THSD7B: variants seen among roughly 807,000 people sequenced by gnomAD.
The protein encoded by THSD7B is thrombospondin type-1 domain-containing protein 7B.
Under a neutral mutation model 213.6 loss-of-function variants are expected in THSD7B, and 138 were observed. The observed-to-expected ratio is 0.65, with a 90% CI of 0.56 to 0.74. The LOEUF (loss-of-function observed/expected upper bound fraction) is 0.74, where lower values mean the gene tolerates loss of function less well. Ranked by LOEUF, THSD7B falls within the 30% of genes least tolerant of loss-of-function variation. The probability of loss-of-function intolerance (pLI) is 0.00; values close to 1 mark genes in which losing one functional copy is unlikely to be tolerated. For missense variants in THSD7B, 1,931 were observed against 1,991.5 expected (o/e 0.97, Z 0.58); for synonymous variants, 742 against 687.0 (o/e 1.08, Z -1.25).
intron 6 of THSD7B, among the ~76,000 whole-genome samples, chr2:137,161,449 G>A (rs1680017700): frequency 6.6e-6 from 1 of 152,112 alleles, no homozygotes; most frequent in South Asian, 2.1e-4. Flanking sequence ...ACTGCTTACT[G>A]CTACATTCAC....
At chr2:137,154,171 TG>T in intron 5 of THSD7B, among the ~76,000 whole-genome samples, 1 of 152,124 alleles carries the variant, frequency 6.6e-6, no homozygotes. Context: ...ATTTAGGTTT[TG>T]GGGGTTCTTA....
intron 5 of THSD7B, 69 bp from the exon 6 acceptor site, chr2:137,160,144 A>G (rs569923513): frequency 6.7e-7 from 1 of 1,494,824 alleles, no homozygotes; most frequent in Non-Finnish European, 9.0e-7. Flanking sequence ...AGGCATGCAA[A>G]TAAAGGCAGA....
chr2:136,838,134 C>G (rs1001462486), intron 1 of THSD7B, among the ~76,000 whole-genome samples: 1 of 152,020 alleles, frequency 6.6e-6, no homozygotes, highest in African/African-American at 2.4e-5. Context: ...TGCCTTTGAT[C>G]CTAAAGAGTT....
intron 9 of THSD7B, 112 bp from the exon 10 acceptor site, chr2:137,242,345 C>A: frequency 2.7e-6 from 2 of 747,296 alleles, no homozygotes; most frequent in South Asian, 1.8e-5. Context: ...CTTCCCTCAC[C>A]TATTAAGGGA....
intron 27 of THSD7B, among the ~76,000 whole-genome samples, chr2:137,673,670 T>A (rs1195880736): frequency 2.0e-5 from 3 of 151,628 alleles, no homozygotes; most frequent in Admixed American, 2.0e-4. Context: ...TTGGCCTTGC[T>A]GAGTGCAGTC....
At chr2:136,828,202 C>A (rs979570074) in intron 1 of THSD7B, among the ~76,000 whole-genome samples, 4 of 152,156 alleles carry the variant, frequency 2.6e-5, no homozygotes, top group Admixed American at 1.3e-4. Context: ...CCCATCTTAA[C>A]CTCTCTAGAG....
chr2:137,331,200 G>A (rs1457731095), intron 12 of THSD7B, among the ~76,000 whole-genome samples: 1 of 150,152 alleles, frequency 6.7e-6, no homozygotes, highest in Admixed American at 6.6e-5. Context: ...GCTGATTGGT[G>A]TATTTACAAT....
At position 136,775,922 on chromosome 2, in the gene THSD7B, A is replaced by G. The variant is rs116735074; in HGVS notation, c.-36+10235A>G. On this transcript the variant is annotated intron_variant, in intron 1 of 27. Coordinates refer to ENST00000409968, the MANE Select transcript of THSD7B (RefSeq NM_001316349.2). ...AATTTCCAGGCAAGGAGTTTATTATACTTTGACAGATTAACATAATTCTTC... is the reference window on the plus strand; with the variant it reads ...AATTTCCAGGCAAGGAGTTTATTATGCTTTGACAGATTAACATAATTCTTC... 2.8e-3 allele frequency among the ~76,000 whole-genome samples: 419 copies of G among 152,222 alleles called. 2 individuals carry two copies. The highest frequency in any genetic ancestry group is 9.3e-3 in the African/African-American group (387 of 41,542).
chr2:137,349,261 A>G (rs1026063074), intron 12 of THSD7B, among the ~76,000 whole-genome samples: 3 of 151,710 alleles, frequency 2.0e-5, no homozygotes, highest in African/African-American at 7.3e-5. Context: ...TGGAAACATT[A>G]TTTTGTGATT....
At chr2:136,903,833 G>C (rs1351229536) in intron 2 of THSD7B, among the ~76,000 whole-genome samples, 1 of 152,036 alleles carries the variant, frequency 6.6e-6, no homozygotes, top group African/African-American at 2.4e-5. Context: ...CAGTGGCCAG[G>C]GCCACCACCT....
At chr2:137,650,588 A>G (rs981233978) in intron 21 of THSD7B, among the ~76,000 whole-genome samples, 1 of 152,154 alleles carries the variant, frequency 6.6e-6, no homozygotes, top group African/African-American at 2.4e-5. Context: ...TCTCTTGACT[A>G]ACTGCTATGG....
chr2:137,582,198 T>A (rs1048994268), intron 17 of THSD7B, among the ~76,000 whole-genome samples: 2 of 152,148 alleles, frequency 1.3e-5, no homozygotes, highest in Admixed American at 6.5e-5. Flanking sequence ...TGGTTCAAGA[T>A]GTTTCTCTCT....
At chr2:137,297,569 G>A (rs370175474) in intron 12 of THSD7B, among the ~76,000 whole-genome samples, 18 of 151,898 alleles carry the variant, frequency 1.2e-4, no homozygotes, top group Non-Finnish European at 2.4e-4. Context: ...ATGACTCACC[G>A]AATGTCCTTG....
intron 15 of THSD7B, among the ~76,000 whole-genome samples, chr2:137,561,448 A>G (rs534876145): frequency 3.3e-4 from 50 of 152,336 alleles, no homozygotes; most frequent in African/African-American, 1.2e-3. Context: ...TTACTTTTCA[A>G]ATTAAGTTTT....
chr2:137,644,635 A>G (rs1682996873), intron 21 of THSD7B, among the ~76,000 whole-genome samples: 1 of 152,150 alleles, frequency 6.6e-6, no homozygotes, highest in African/African-American at 2.4e-5. Flanking sequence ...AATTTACTAT[A>G]CTTAAATTTA....
intron 1 of THSD7B, among the ~76,000 whole-genome samples, chr2:136,827,371 A>G (rs1407964394): frequency 1.3e-5 from 2 of 152,360 alleles, no homozygotes; most frequent in Admixed American, 6.5e-5. Flanking sequence ...TATACAGAAA[A>G]CAAGAAGTTT....
chr2:137,080,698 CTCTTCT>C (rs150038004), intron 3 of THSD7B, among the ~76,000 whole-genome samples: 2 of 151,706 alleles, frequency 1.3e-5, no homozygotes, highest in Non-Finnish European at 2.9e-5. Context: ...CATTTTCTCT[CTCTTCT>C]TCTTCTTCTT....
chr2:137,036,983 A>G (rs1420455986), intron 2 of THSD7B, among the ~76,000 whole-genome samples: 1 of 152,138 alleles, frequency 6.6e-6, no homozygotes, highest in Admixed American at 6.5e-5. Context: ...TAGTTATAAA[A>G]TTCTGCTGTT....
intron 27 of THSD7B, among the ~76,000 whole-genome samples, chr2:137,670,869 C>G (rs1232457015): frequency 7.2e-6 from 1 of 139,392 alleles, no homozygotes; most frequent in Non-Finnish European, 1.5e-5. Flanking sequence ...TGCAGTGAGC[C>G]AAGATTGCGC....
Sources: gnomAD v4.1 joint callset for allele counts (sites outside exome capture counted in the v4.1 genomes callset) on GRCh38, gnomAD v4.1.1 for gene constraint, MANE v1.5 for transcripts, NCBI Gene and HGNC (gene_info 2026-07-23, HGNC 2026-07-21) for gene names.